ROR1: variants seen among roughly 807,000 people sequenced by gnomAD.
ROR1 encodes inactive tyrosine-protein kinase transmembrane receptor ROR1.
ROR1 carries 19 observed loss-of-function variants against 78.8 expected under a neutral mutation model. That is an observed-to-expected ratio of 0.24 (90% CI 0.17 to 0.35). ROR1 has a LOEUF of 0.35. ROR1 is among the 10% of genes least tolerant of loss of function. The pLI, the probability that ROR1 is intolerant of heterozygous loss-of-function variation, is 1.00. For synonymous variants in ROR1, 386 were observed against 433.6 expected (o/e 0.89, Z 1.36); for missense variants, 917 against 1,177.8 (o/e 0.78, Z 3.24).
Position 64,177,702 on chromosome 1 carries a change from A to G in ROR1, c.1661A>G (p.Tyr554Cys). The change falls in exon 9 of 9, where the codon TAT (tyrosine) becomes TGT (cysteine). Residue 554 changes from tyrosine to cysteine, a missense_variant. Physicochemically the swap from Tyr to Cys is radical, Grantham distance 194. Transcript: ENST00000371079. ...QEQPVCMLFE[Y>C]INQGDLHEFL... is the part of the protein sequence containing the mutation. ...CAACCTGTGTGCATGCTTTTTGAGT[A>G]TATTAATCAGGGGGATCTCCATGAG... The G allele has an allele frequency of 6.2e-7, 1 of 1,614,182 alleles. No homozygotes were observed. Among genetic ancestry groups the G allele is most frequent in the Non-Finnish European group, 8.5e-7 (1 of 1,180,030 alleles).
chr1:64,151,643 C>T (rs1023998209), intron 7 of ROR1, among the ~76,000 whole-genome samples: 13 of 150,898 alleles, frequency 8.6e-5, no homozygotes, highest in Non-Finnish European at 1.5e-4. Flanking sequence ...GAGGCCGAGG[C>T]GGGCAGATCA....
chr1:64,147,299 G>A (rs1649501828), intron 7 of ROR1, among the ~76,000 whole-genome samples: 1 of 152,200 alleles, frequency 6.6e-6, no homozygotes, highest in Non-Finnish European at 1.5e-5. Flanking sequence ...CTAGTCACAT[G>A]AGAGATGAAT....
intron 1 of ROR1, among the ~76,000 whole-genome samples, chr1:63,947,349 C>T (rs1439662325): frequency 3.9e-5 from 6 of 152,144 alleles, no homozygotes; most frequent in Non-Finnish European, 8.8e-5. Flanking sequence ...GTTCTGACCT[C>T]CATGGATACT....
chr1:63,971,978 C>T (rs915797644), intron 1 of ROR1, among the ~76,000 whole-genome samples: 3 of 152,146 alleles, frequency 2.0e-5, no homozygotes, highest in African/African-American at 7.2e-5. Context: ...CACTGTATAC[C>T]GTTCCACACT....
rs1220394898 is a variant in ROR1, at chr1:64,122,557, G to A, written c.483-14812G>A. 7.9e-5 allele frequency among the ~76,000 whole-genome samples: 12 copies of A among 152,288 alleles called. 1 individual carries two copies. In the South Asian group the frequency reaches 2.3e-3, roughly 29 times the overall value. ...GGCGTTCTGCCTTGTCCACTGCTGT[G>A]GCCCCAAGAGTGGGAGGAGTGGGCT... On this transcript the variant is annotated intron_variant, in intron 4 of 8. Coordinates refer to ENST00000371079, the MANE Select transcript of ROR1 (RefSeq NM_005012.4).
At chr1:63,796,677 C>CTGA (rs1644763002) in intron 1 of ROR1, among the ~76,000 whole-genome samples, 1 of 152,190 alleles carries the variant, frequency 6.6e-6, no homozygotes, top group South Asian at 2.1e-4. Context: ...AGCAGTCGTA[C>CTGA]ATTCAGTTCC....
At chr1:63,941,880 G>C (rs1447134780) in intron 1 of ROR1, among the ~76,000 whole-genome samples, 1 of 152,154 alleles carries the variant, frequency 6.6e-6, no homozygotes, top group African/African-American at 2.4e-5. Flanking sequence ...AGCTTGAATA[G>C]TACTCATGAG....
chr1:63,955,270 A>C (rs1645971983), intron 1 of ROR1, among the ~76,000 whole-genome samples: 2 of 152,210 alleles, frequency 1.3e-5, no homozygotes, highest in Non-Finnish European at 2.9e-5. Context: ...AGCTTTAAAA[A>C]AATCCTCTTA....
At chr1:63,843,610 C>T (rs1386004798) in intron 1 of ROR1, 2 of 655,382 alleles carry the variant, frequency 3.1e-6, no homozygotes, top group Middle Eastern at 2.7e-4. Context: ...TTCACCTCCT[C>T]TGGCATTGAA....
intron 1 of ROR1, among the ~76,000 whole-genome samples, chr1:64,007,203 C>T (rs1443618698): frequency 1.3e-5 from 2 of 152,140 alleles, no homozygotes; most frequent in Non-Finnish European, 2.9e-5. Flanking sequence ...GAGCACTGTG[C>T]TTAAAGGACT....
chr1:63,844,137 C>G (rs1401056450), intron 1 of ROR1, among the ~76,000 whole-genome samples: 1 of 152,168 alleles, frequency 6.6e-6, no homozygotes, highest in African/African-American at 2.4e-5. Context: ...ATAAAACCTA[C>G]CTCATGGGTT....
intron 4 of ROR1, among the ~76,000 whole-genome samples, chr1:64,134,038 C>CA (rs1649018510): frequency 6.6e-6 from 1 of 152,256 alleles, no homozygotes; most frequent in East Asian, 1.9e-4. Flanking sequence ...CTAAGCAGTG[C>CA]AAAAACTCCA....
At chr1:64,063,886 A>T (rs1443446118) in intron 4 of ROR1, among the ~76,000 whole-genome samples, 1 of 152,116 alleles carries the variant, frequency 6.6e-6, no homozygotes, top group Non-Finnish European at 1.5e-5. Context: ...TGTCCATGCA[A>T]CCAGATAGGA....
chr1:64,079,539 T>C (rs918610002), intron 4 of ROR1, among the ~76,000 whole-genome samples: 6 of 151,720 alleles, frequency 4.0e-5, no homozygotes, highest in African/African-American at 1.5e-4. Flanking sequence ...TGGCGCAGTC[T>C]CGGCTCACTG....
chr1:63,986,209 A>T (rs532403901), intron 1 of ROR1, among the ~76,000 whole-genome samples: 1 of 152,340 alleles, frequency 6.6e-6, no homozygotes, highest in African/African-American at 2.4e-5. Context: ...CATAAGCAAG[A>T]GGAGATAATT....
At chr1:64,078,995 G>T (rs11806552) in intron 4 of ROR1, among the ~76,000 whole-genome samples, 27 of 152,300 alleles carry the variant, frequency 1.8e-4, no homozygotes, top group African/African-American at 5.8e-4. Flanking sequence ...GTGATGGATG[G>T]CATGTGAAAA....
intron 4 of ROR1, among the ~76,000 whole-genome samples, chr1:64,090,961 CA>C (rs1647191815): frequency 6.7e-6 from 1 of 150,178 alleles, no homozygotes; most frequent in African/African-American, 2.5e-5. Flanking sequence ...AAGTAATCCT[CA>C]AAGCAGCCCT....
At chr1:64,028,825 T>G (rs1310279641) in intron 2 of ROR1, 1 of 152,208 alleles carries the variant, frequency 6.6e-6, no homozygotes, top group Admixed American at 6.5e-5. Flanking sequence ...ATTTAAAATG[T>G]ACAGTTAAAT....
At chr1:63,809,219 A>T (rs1644846550) in intron 1 of ROR1, among the ~76,000 whole-genome samples, 1 of 152,216 alleles carries the variant, frequency 6.6e-6, no homozygotes, top group South Asian at 2.1e-4. Flanking sequence ...GTGCACCAGC[A>T]ATGCTAGGTA....
Sources: gnomAD v4.1 joint callset for allele counts (sites outside exome capture counted in the v4.1 genomes callset) on GRCh38, gnomAD v4.1.1 for gene constraint, MANE v1.5 for transcripts, NCBI Gene and HGNC (gene_info 2026-07-23, HGNC 2026-07-21) for gene names.